The following SPPL2B variants were observed in gnomAD, a reference collection of about 807,000 sequenced individuals.
SPPL2B encodes the protein signal peptide peptidase-like 2B.
SPPL2B carries 39 observed loss-of-function variants against 59.7 expected under a neutral mutation model. The ratio of observed to expected loss-of-function variants is 0.65; its 90% CI spans 0.51 to 0.85. The LOEUF is 0.85. SPPL2B is among the 40% of genes least tolerant of loss of function. The pLI is 0.00. For missense variants in SPPL2B, 865 were observed against 849.0 expected (o/e 1.02, Z -0.23); for synonymous variants, 419 against 370.8 (o/e 1.13, Z -1.49).
intron 14 of SPPL2B, among the ~76,000 whole-genome samples, chr19:2,351,876 G>A (rs935089508): frequency 4.0e-5 from 6 of 151,838 alleles, no homozygotes; most frequent in Admixed American, 3.3e-4. Context: ...GGTGGGACGC[G>A]GGGGTGCCGG....
chr19:2,339,702 C>T, intron 5 of SPPL2B, 122 bp from the exon 6 acceptor site: 17 of 1,156,156 alleles, frequency 1.5e-5, no homozygotes, highest in East Asian at 2.6e-5. Flanking sequence ...GCACTTCAGT[C>T]CCCCCCGGGT....
intron 2 of SPPL2B, among the ~76,000 whole-genome samples, chr19:2,336,834 C>T (rs545183412): frequency 3.7e-5 from 5 of 136,214 alleles, no homozygotes; most frequent in South Asian, 4.7e-4. Context: ...CGGCTATGTG[C>T]GTGTGTGTGT....
chr19:2,338,501 G>A (rs1968792095), intron 3 of SPPL2B: 4 of 461,038 alleles, frequency 8.7e-6, no homozygotes, highest in Middle Eastern at 5.9e-4. Flanking sequence ...GGCCGAGGGA[G>A]GGATTAGTGG....
At chr19:2,336,943 C>A (rs80049017) in intron 2 of SPPL2B, among the ~76,000 whole-genome samples, 15,392 of 145,260 alleles carry the variant, frequency 0.11, 858 homozygotes, top group Non-Finnish European at 0.12. Flanking sequence ...GCCGTGTGCT[C>A]CAGCCTGGCT....
At chr19:2,348,992 A>G (rs1299133855) in intron 13 of SPPL2B, among the ~76,000 whole-genome samples, 3 of 138,624 alleles carry the variant, frequency 2.2e-5, no homozygotes, top group Non-Finnish European at 3.1e-5. Flanking sequence ...CTCCACACAC[A>G]CTCACGCTCT....
Position 2,340,985 on chromosome 19 carries a change from G to A in SPPL2B, c.927G>A (p.Val309=). The part of the protein sequence containing the change: ...LLALFCVAVS[V]VWGVFRNEDQ... ...CGCTCTTCTGCGTGGCCGTCAGCGT[G>A]GTGTGGGGCGTCTTCCGCAACGAGG... The change falls in exon 8 of 15, where the codon GTG becomes GTA. Residue 309 remains valine (V), a synonymous_variant. Coordinates refer to ENST00000613503, the MANE Select transcript of SPPL2B (RefSeq NM_152988.3). 1 of 1,604,844 alleles carries A rather than the reference G, an allele frequency of 6.2e-7. No homozygotes were observed. The highest frequency in any genetic ancestry group is 2.2e-5 in the East Asian group (1 of 44,856).
intron 13 of SPPL2B, among the ~76,000 whole-genome samples, chr19:2,348,595 A>G (rs1969646029): frequency 7.3e-6 from 1 of 136,884 alleles, no homozygotes; most frequent in African/African-American, 2.7e-5. Flanking sequence ...ATGCACTCTC[A>G]TTCGCCTGAT....
intron 13 of SPPL2B, among the ~76,000 whole-genome samples, chr19:2,349,796 TCA>T (rs150414857): frequency 0.11 from 12,266 of 106,780 alleles, 929 homozygotes; most frequent in African/African-American, 0.14. Flanking sequence ...CCACACACAC[TCA>T]CGCGCTCTCA....
chr19:2,331,674 GT>G (rs1231746033), intron 1 of SPPL2B, among the ~76,000 whole-genome samples: 2 of 152,236 alleles, frequency 1.3e-5, no homozygotes, highest in Non-Finnish European at 1.5e-5. Context: ...CAGAGAAGCA[GT>G]TCTATCAGTT....
At chr19:2,331,149 AGCTGGAGCTGGTGGCCCTG>A (rs1159260884) in intron 1 of SPPL2B, among the ~76,000 whole-genome samples, 1 of 152,058 alleles carries the variant, frequency 6.6e-6, no homozygotes, top group Non-Finnish European at 1.5e-5. Context: ...AGCAGATCTG[AGCTGGAGCTGGTGGCCCTG>A]GCTGGACCCG....
At chr19:2,334,386 T>C (rs1196333481) in intron 1 of SPPL2B, among the ~76,000 whole-genome samples, 1 of 152,236 alleles carries the variant, frequency 6.6e-6, no homozygotes, top group African/African-American at 2.4e-5. Context: ...AGCCTGGGGC[T>C]CCCTGAGGAA....
In SPPL2B at chr19:2,354,992, G is replaced by A. The variant is rs1970101411; in HGVS notation, c.*1783G>A. Among the ~76,000 whole-genome samples the A allele has an allele frequency of 6.6e-6, 1 of 152,226 alleles. No homozygotes were observed. ...TCCCATGGGCTCTGTGGGCCATGTG[G>A]TCCCTGTCACGCTTCTCAGCTCTGC... On this transcript the variant is annotated 3_prime_UTR_variant, in exon 15 of 15. Transcript: ENST00000613503.
chr19:2,351,978 C>A (rs1969953005), intron 14 of SPPL2B, among the ~76,000 whole-genome samples: 1 of 152,170 alleles, frequency 6.6e-6, no homozygotes, highest in Admixed American at 6.5e-5. Flanking sequence ...CATCGCCTCT[C>A]CTGCCGAGAG....
chr19:2,346,074 G>C (rs1382445997), intron 13 of SPPL2B, among the ~76,000 whole-genome samples: 1 of 152,010 alleles, frequency 6.6e-6, no homozygotes, highest in Middle Eastern at 3.4e-3. Flanking sequence ...TGTTATGAAC[G>C]TATTTACGCA....
intron 7 of SPPL2B, chr19:2,340,587 C>G (rs1968970744): frequency 1.8e-6 from 1 of 542,970 alleles, no homozygotes; most frequent in African/African-American, 1.9e-5. Context: ...AGGGGGAGAC[C>G]TTTTTGTGTT....
rs1402541753 is a variant in SPPL2B, at chr19:2,332,368, C to T, written c.67-2234C>T. 1.3e-5 allele frequency among the ~76,000 whole-genome samples: 2 copies of T among 152,202 alleles called. No homozygotes were observed. The highest frequency in any genetic ancestry group is 2.9e-5 in the Non-Finnish European group (2 of 68,034). On this transcript the variant is annotated intron_variant, in intron 1 of 14. Coordinates refer to ENST00000613503, the MANE Select transcript of SPPL2B (RefSeq NM_152988.3). The surrounding 1 kb of genome is among the most constrained non-coding windows in gnomAD (Gnocchi z 4.6). ...CCTGTGTGCTGGGGTTGGTGTCTGG[C>T]ACCAGGGACCTTTGGGACCTTTAGC...
chr19:2,341,748 T>G, intron 8 of SPPL2B: 1 of 386,346 alleles, frequency 2.6e-6, no homozygotes, highest in Non-Finnish European at 5.4e-6. Flanking sequence ...AAAGAGAAAA[T>G]GAATCTTTTC....
At chr19:2,351,945 C>T (rs1245528977) in intron 14 of SPPL2B, among the ~76,000 whole-genome samples, 2 of 152,114 alleles carry the variant, frequency 1.3e-5, no homozygotes, top group Non-Finnish European at 2.9e-5. Flanking sequence ...AGTAGTGCCC[C>T]ACCTGCGTGG....
intron 8 of SPPL2B, chr19:2,341,991 G>T: frequency 5.4e-6 from 1 of 184,554 alleles, no homozygotes; most frequent in Non-Finnish European, 1.1e-5. Flanking sequence ...CTTGAAGTAC[G>T]TGGCGCCTGG....
Sources: gnomAD v4.1 joint callset for allele counts (sites outside exome capture counted in the v4.1 genomes callset) on GRCh38, gnomAD v4.1.1 for gene constraint, Gnocchi (gnomAD v3.1) non-coding constraint, MANE v1.5 for transcripts, NCBI Gene and HGNC (gene_info 2026-07-23, HGNC 2026-07-21) for gene names.